Variants in ZNF142 observed in about 807,000 individuals in gnomAD.
The protein encoded by ZNF142 is zinc finger protein 142, also known as zinc finger protein 142 (clone pHZ-49).
In ZNF142, 96 loss-of-function variants were observed where a neutral mutation model predicts 132.1. That is an observed-to-expected ratio of 0.73 (90% CI 0.62 to 0.86). The LOEUF is 0.86. Ranked by LOEUF, ZNF142 falls within the 40% of genes least tolerant of loss-of-function variation. ZNF142 has a pLI of 0.00. For missense variants in ZNF142, 2,163 were observed against 2,336.2 expected (o/e 0.93, Z 1.53); for synonymous variants, 842 against 890.1 (o/e 0.95, Z 0.96).
At position 218,651,919 on chromosome 2, in the gene ZNF142, A is replaced by G. The variant is rs1938035152; in HGVS notation, c.662T>C (p.Val221Ala). ...QHHLRQTHRA[V>A]PVPCSFRGCP... ...GCCCCGGAAAGAACAGGGCACAGGA[A>G]CTGCTCTGTGAGTCTGCCTCAGGTG... The change falls in exon 5 of 11, where the codon GTT becomes GCT. Residue 221 changes from valine to alanine, a missense_variant. Around this residue, in one of 7 missense-constraint regions of ZNF142, gnomAD observed 195 missense variants for 172.4 expected, o/e 1.13. Coordinates refer to ENST00000411696, the MANE Select transcript of ZNF142 (RefSeq NM_001379659.1). 2 of 1,247,652 alleles carry G rather than the reference A, an allele frequency of 1.6e-6. No individual in the cohort carries two copies. Among genetic ancestry groups the G allele is most frequent in the African/African-American group, 1.5e-5 (1 of 65,144 alleles). The allele number at this position is 1,247,652 out of a possible 1,614,324, so 77.3% of individuals were successfully genotyped here.
Position 218,636,095 on chromosome 2 carries a change from C to A in ZNF142, c.*2244G>T. On this transcript the variant is annotated 3_prime_UTR_variant, in exon 11 of 11. Coordinates refer to ENST00000411696, the MANE Select transcript of ZNF142 (RefSeq NM_001379659.1). ...GCTCTTCACTTAAAAGCTCCAGTGA[C>A]CTGGGCAAATTACTTGCTTACTCTG... is the stretch of plus-strand genomic sequence containing the variant. 7.3e-7 allele frequency: 1 copy of A among 1,370,716 alleles called. No homozygotes were observed. The highest frequency in any genetic ancestry group is 1.3e-5 in the South Asian group (1 of 74,442). The allele number at this position is 1,370,716 out of a possible 1,614,324, so 84.9% of individuals were successfully genotyped here. A position where few individuals can be genotyped will look rare whatever the true frequency, so the allele number is the denominator to read the frequency against.
At chr2:218,654,796 A>G (rs1410436656) in intron 4 of ZNF142, among the ~76,000 whole-genome samples, 1 of 145,280 alleles carries the variant, frequency 6.9e-6, no homozygotes, top group African/African-American at 2.5e-5. Context: ...AAAAAAAAAA[A>G]GGTTTCTGCT....
rs1696763168 is a variant in ZNF142 at position 218,636,481 on chromosome 2, C to G, written c.*1858G>C. 4 of 1,613,922 alleles carry G rather than the reference C, an allele frequency of 2.5e-6. No individual in the cohort carries two copies. Among genetic ancestry groups the G allele is most frequent in the Non-Finnish European group, 3.4e-6 (4 of 1,179,912 alleles). On this transcript the variant is annotated 3_prime_UTR_variant, in exon 11 of 11. Coordinates refer to ENST00000411696, the MANE Select transcript of ZNF142 (RefSeq NM_001379659.1). ...TCCTGCCCCTTCCAGGTTACCGCCA[C>G]ATTCACCTGCTGTCCAAAGATGGCA...
intron 7 of ZNF142, among the ~76,000 whole-genome samples, chr2:218,647,190 G>A (rs1406595283): frequency 1.3e-5 from 2 of 151,848 alleles, no homozygotes; most frequent in African/African-American, 4.8e-5. Flanking sequence ...TTGGGAGGTC[G>A]AGGCAGGTGG....
chr2:218,640,723 T>C lies in ZNF142; in HGVS notation c.5135A>G (p.Glu1712Gly), dbSNP rs1559285878. The part of the protein sequence containing the change: ...HKEERKYLCP[E>G]CGYKCKWVNQ... ...GACCCACTTGCACTTGTAGCCACAC[T>C]CAGGGCACAGGTACTTCCGTTCCTC... Residue 1712 changes from glutamate (E) to glycine (G), a missense_variant, in exon 10 of 11, where the codon GAG (glutamate) becomes GGG (glycine). This residue lies in a region of ZNF142 where 325 missense variants were observed against 367.8 expected (regional missense o/e 0.88). Coordinates refer to ENST00000411696, the MANE Select transcript of ZNF142 (RefSeq NM_001379659.1). 1 of 1,614,216 alleles carries C rather than the reference T, an allele frequency of 6.2e-7. No individual in the cohort carries two copies. Among genetic ancestry groups the C allele is most frequent in the East Asian group, 2.2e-5 (1 of 44,878 alleles).
chr2:218,656,079 G>C (rs1938455177), intron 4 of ZNF142, 71 bp downstream of exon 4: 2 of 1,432,342 alleles, frequency 1.4e-6, no homozygotes, highest in Admixed American at 2.5e-5. Context: ...TATTTATACA[G>C]AATCAAAAAT....
At chr2:218,640,949 TA>T (rs1381954561) in intron 9 of ZNF142, among the ~76,000 whole-genome samples, 180 bp from the exon 10 acceptor site, 2 of 148,012 alleles carry the variant, frequency 1.4e-5, no homozygotes, top group African/African-American at 5.1e-5. Flanking sequence ...TTTTTTTTTT[TA>T]AAGAGACAGG....
In ZNF142 at chr2:218,633,472, G is replaced by C. The variant is rs1696508645; in HGVS notation, c.*4867C>G. 4 of 1,068,854 alleles carry C rather than the reference G, an allele frequency of 3.7e-6. No homozygotes were observed. The highest frequency in any genetic ancestry group is 1.3e-5 in the South Asian group (1 of 76,218). 66.2% of individuals were successfully genotyped at this position (1,068,854 alleles called of 1,614,324 possible). ...TTTCCAAGCCTGAGTCCCTTCTCTT[G>C]TCCCGGCAGGTGAGGCAGGAGGGAG... On this transcript the variant is annotated 3_prime_UTR_variant, in exon 11 of 11. Transcript: ENST00000411696.
chr2:218,643,825 C>A lies in ZNF142; in HGVS notation c.3291G>T (p.Lys1097Asn), dbSNP rs1227659127. 6.2e-7 allele frequency: 1 copy of A among 1,613,322 alleles called. No individual in the cohort carries two copies. The highest frequency in any genetic ancestry group is 1.7e-5 in the Admixed American group (1 of 59,934). The stretch of plus-strand genomic sequence containing the variant: ...TGGGTGAATCTGGTCTGGGCAAGCC[C>A]TTGTTCTTTCTGAGTAGAACAGGGC... The part of the protein sequence containing the change: ...KKCPVLLRKN[K>N]GLPRPDSPIP... The change falls in exon 9 of 11, where the codon AAG becomes AAT. Residue 1097 changes from lysine to asparagine, a missense_variant. By Grantham distance (94) the Lys-to-Asn change is moderately conservative. Around this residue, in one of 7 missense-constraint regions of ZNF142, gnomAD observed 809 missense variants for 801.7 expected, o/e 1.01. Transcript: ENST00000411696.
rs747090607 is a variant in ZNF142, at chr2:218,642,411, G to A, written c.4705C>T (p.Leu1569=). The change falls in exon 9 of 11, where the codon CTG becomes TTG. Residue 1569 remains leucine (L), a synonymous_variant. Coordinates refer to ENST00000411696, the MANE Select transcript of ZNF142 (RefSeq NM_001379659.1). The surrounding 1 kb of genome is among the most constrained non-coding windows in gnomAD (Gnocchi z 4.6). ...CQEAFPSRLA[L]DEHRRQQHFS... ...TGCTGCTGCCTCCGGTGCTCATCCAGAGCCAGTCGGCTAGGGAAGGCCTCC... is the reference window on the plus strand; with the variant it reads ...TGCTGCTGCCTCCGGTGCTCATCCAAAGCCAGTCGGCTAGGGAAGGCCTCC... 1.2e-6 allele frequency: 2 copies of A among 1,612,996 alleles called. No individual in the cohort carries two copies. Among genetic ancestry groups the A allele is most frequent in the Admixed American group, 1.7e-5 (1 of 60,028 alleles).
Position 218,636,740 on chromosome 2 carries a change from T to C in ZNF142, c.*1599A>G. ...TCTTCCTAACAAGCAATCTGGGACC[T>C]GATTTTCCACCTTTTTTCTCTTTTC... is the stretch of plus-strand genomic sequence containing the variant. On this transcript the variant is annotated 3_prime_UTR_variant, in exon 11 of 11. Coordinates refer to ENST00000411696, the MANE Select transcript of ZNF142 (RefSeq NM_001379659.1). 1 of 750,910 alleles carries C rather than the reference T, an allele frequency of 1.3e-6. No individual in the cohort carries two copies. The highest frequency in any genetic ancestry group is 2.4e-5 in the Admixed American group (1 of 41,704). The allele number at this position is 750,910 out of a possible 1,614,324, so 46.5% of individuals were successfully genotyped here. A position where few individuals can be genotyped will look rare whatever the true frequency, so the allele number is the denominator to read the frequency against.
At chr2:218,641,030 G>C (rs139326846) in intron 9 of ZNF142, among the ~76,000 whole-genome samples, 177 of 151,652 alleles carry the variant, frequency 1.2e-3, no homozygotes, top group African/African-American at 4.0e-3. Context: ...AACCTCCTGG[G>C]CTAAAGCGAT....
At chr2:218,645,832 G>A (rs1278685441) in intron 8 of ZNF142, among the ~76,000 whole-genome samples, 1 of 152,036 alleles carries the variant, frequency 6.6e-6, no homozygotes, top group South Asian at 2.1e-4. Context: ...GTGCAATCTT[G>A]GCTCATTGCA....
At chr2:218,640,635 T>C (rs755083657) in intron 10 of ZNF142, 29 bp downstream of exon 10, 2 of 1,605,764 alleles carry the variant, frequency 1.2e-6, no homozygotes, top group South Asian at 2.2e-5. Flanking sequence ...AAGGAACCCT[T>C]CAGGCCTGTC....
Position 218,643,241 on chromosome 2 carries a change from T to A in ZNF142, c.3875A>T (p.Asp1292Val). The A allele has an allele frequency of 6.2e-7, 1 of 1,614,160 alleles. No homozygotes were observed. The highest frequency in any genetic ancestry group is 8.5e-7 in the Non-Finnish European group (1 of 1,180,038). The change falls in exon 9 of 11, where the codon GAT (aspartate) becomes GTT (valine). Residue 1292 changes from aspartate to valine, a missense_variant. Asp to Val is a radical substitution (Grantham distance 152). This residue lies in a region of ZNF142 where 809 missense variants were observed against 801.7 expected (regional missense o/e 1.01). Transcript: ENST00000411696. Reference protein sequence around the residue: ...GSTESSSGDGDTVLVQKQKGA... With the variant: ...GSTESSSGDGVTVLVQKQKGA... ...CTTCTGCTTTTGAACCAGAACTGTATCCCCATCACCAGAGCTGGACTCTGT... is the reference window on the plus strand; with the variant it reads ...CTTCTGCTTTTGAACCAGAACTGTAACCCCATCACCAGAGCTGGACTCTGT...
Position 218,643,230 on chromosome 2 carries a change from C to A in ZNF142, c.3886G>T (p.Val1296Phe). Residue 1296 changes from valine to phenylalanine, a missense_variant, in exon 9 of 11, where the codon GTT becomes TTT. Transcript: ENST00000411696. ...SSSGDGDTVL[V>F]QKQKGARFSC... ...AAGCGAGCCCCCTTCTGCTTTTGAA[C>A]CAGAACTGTATCCCCATCACCAGAG... 6.2e-7 allele frequency: 1 copy of A among 1,614,224 alleles called. No individual in the cohort carries two copies. Among genetic ancestry groups the A allele is most frequent in the Non-Finnish European group, 8.5e-7 (1 of 1,180,034 alleles).
In ZNF142 at chr2:218,638,751, A is replaced by G. The variant is rs1485346824; in HGVS notation, c.5252T>C (p.Leu1751Pro). Residue 1751 changes from leucine to proline, a missense_variant, in exon 11 of 11, where the codon CTG becomes CCG. Around this residue, in one of 7 missense-constraint regions of ZNF142, gnomAD observed 325 missense variants for 367.8 expected, o/e 0.88. Transcript: ENST00000411696. The stretch of plus-strand genomic sequence containing the variant: ...ATGCCGGGTCTCCTGGTGCACACGC[A>G]GTGCATCAGCCCGGTTGGTGCAGTA... ...CEYCTNRADA[L>P]RVHQETRHRE... 2 of 1,611,708 alleles carry G rather than the reference A, an allele frequency of 1.2e-6. No individual in the cohort carries two copies. Among genetic ancestry groups the G allele is most frequent in the Non-Finnish European group, 1.7e-6 (2 of 1,180,004 alleles).
chr2:218,650,358 C>T lies in ZNF142; in HGVS notation c.1048+1G>A, dbSNP rs1305415711. On this transcript the variant is annotated splice_donor_variant, in intron 6 of 10. Coordinates refer to ENST00000411696, the MANE Select transcript of ZNF142 (RefSeq NM_001379659.1). LOFTEE classifies it high-confidence loss of function. Reference sequence around the variant, plus strand: ...GGCTTCAAGCCTCAGAATGTCATTACCTTCCAGCCGCTGAGCCCCTTGGCC... The same window carrying T: ...GGCTTCAAGCCTCAGAATGTCATTATCTTCCAGCCGCTGAGCCCCTTGGCC... 1.2e-6 allele frequency: 2 copies of T among 1,614,158 alleles called. No individual in the cohort carries two copies. Among genetic ancestry groups the T allele is most frequent in the Admixed American group, 1.7e-5 (1 of 60,018 alleles).
Position 218,642,076 on chromosome 2 carries a change from G to A in ZNF142, c.5040C>T (p.Tyr1680=), listed in dbSNP as rs777294286. The change falls in exon 9 of 11, where the codon TAC becomes TAT. Residue 1680 remains tyrosine, a synonymous_variant. Transcript: ENST00000411696. The surrounding 1 kb of genome is among the most constrained non-coding windows in gnomAD (Gnocchi z 4.6). Reference sequence around the variant, plus strand: ...AGGCATAGGGGCAGAGGTGACAGTGGTAAGGCTTTTCCCCAGTGTGGATGC... The same window carrying A: ...AGGCATAGGGGCAGAGGTGACAGTGATAAGGCTTTTCCCCAGTGTGGATGC... ...HSRIHTGEKP[Y]HCHLCPYACA... 1 of 1,614,228 alleles carries A rather than the reference G, an allele frequency of 6.2e-7. No individual in the cohort carries two copies. The highest frequency in any genetic ancestry group is 2.2e-5 in the East Asian group (1 of 44,882).
Sources: gnomAD v4.1 joint callset for allele counts (sites outside exome capture counted in the v4.1 genomes callset) on GRCh38, gnomAD v4.1.1 for gene constraint, gnomAD v4.1.1 regional missense constraint, Gnocchi (gnomAD v3.1) non-coding constraint, MANE v1.5 for transcripts, NCBI Gene and HGNC (gene_info 2026-07-23, HGNC 2026-07-21) for gene names.